Variants in UBAC2 observed in about 807,000 individuals in gnomAD.
The protein encoded by UBAC2 is ubiquitin-associated domain-containing protein 2.
Under a neutral mutation model 44.0 loss-of-function variants are expected in UBAC2, and 26 were observed. The ratio of observed to expected loss-of-function variants is 0.59; its 90% CI spans 0.43 to 0.82. The LOEUF is 0.82. Ranked by LOEUF, UBAC2 falls within the 40% of genes least tolerant of loss-of-function variation. UBAC2 has a pLI of 0.00. For synonymous variants in UBAC2, 155 were observed against 154.3 expected, an observed-to-expected ratio of 1.00 and a Z score of -0.04; for missense variants, 329 against 419.4, an observed-to-expected ratio of 0.78 and a Z score of 1.88.
intron 4 of UBAC2, among the ~76,000 whole-genome samples, chr13:99,299,366 G>A (rs988694964): frequency 3.3e-5 from 5 of 152,140 alleles, no homozygotes; most frequent in Non-Finnish European, 7.3e-5. Context: ...ACATGAAAAT[G>A]CCTGTTTCTT....
Position 99,251,075 on chromosome 13 carries a change from G to A in UBAC2, c.389+6451G>A, listed in dbSNP as rs115264600. ...GCCATCTTTGATTTTTTTCAGCAGTGTTTTGTAGTTCTTGTAGAGATCTTT... is the reference window on the plus strand; with the variant it reads ...GCCATCTTTGATTTTTTTCAGCAGTATTTTGTAGTTCTTGTAGAGATCTTT... On this transcript the variant is annotated intron_variant, in intron 4 of 8. Transcript: ENST00000403766. 1.9e-3 allele frequency among the ~76,000 whole-genome samples: 288 copies of A among 152,178 alleles called. 1 individual carries two copies. The highest frequency in any genetic ancestry group is 6.8e-3 in the African/African-American group (283 of 41,518).
At chr13:99,281,202 CAAAA>C (rs1345279756) in intron 4 of UBAC2, among the ~76,000 whole-genome samples, 2 of 148,934 alleles carry the variant, frequency 1.3e-5, no homozygotes, top group African/African-American at 5.0e-5. Context: ...AAAAACAAAA[CAAAA>C]CAAAACAAAA....
In UBAC2 at chr13:99,296,174, A is replaced by C; in HGVS notation, c.390-17923A>C. On this transcript the variant is annotated intron_variant, in intron 4 of 8. Transcript: ENST00000403766. ...TGGTGGTCCAGGTGTCTAGAAAAAA[A>C]CCAAGAAGGATCATATAAGTAAAAG... is the stretch of plus-strand genomic sequence containing the variant. 3.9e-6 allele frequency: 6 copies of C among 1,536,842 alleles called. No homozygotes were observed. In the South Asian group the frequency reaches 5.0e-5, roughly 13 times the overall value.
intron 4 of UBAC2, among the ~76,000 whole-genome samples, chr13:99,303,147 G>A (rs1030818394): frequency 1.3e-5 from 2 of 152,220 alleles, no homozygotes; most frequent in Admixed American, 1.3e-4. Flanking sequence ...GCTCCCAATA[G>A]ATCTGCGAAA....
At chr13:99,241,576 T>G (rs2043300441) in intron 2 of UBAC2, among the ~76,000 whole-genome samples, 1 of 152,166 alleles carries the variant, frequency 6.6e-6, no homozygotes, top group South Asian at 2.1e-4. Context: ...TAGTGTTTCC[T>G]GGGGCTAAGG....
chr13:99,255,338 T>A (rs2043529154), intron 4 of UBAC2: 1 of 1,614,030 alleles, frequency 6.2e-7, no homozygotes, highest in African/African-American at 1.3e-5. Flanking sequence ...TTTAGATAGA[T>A]GATGTCAGAA....
intron 1 of UBAC2, among the ~76,000 whole-genome samples, chr13:99,222,522 A>G (rs570145024): frequency 6.6e-6 from 1 of 152,340 alleles, no homozygotes; most frequent in African/African-American, 2.4e-5. Context: ...GGTTAGATCA[A>G]AGGGGTAGCC....
chr13:99,338,726 TTG>T (rs2044838868), intron 6 of UBAC2, among the ~76,000 whole-genome samples: 1 of 152,220 alleles, frequency 6.6e-6, no homozygotes, highest in African/African-American at 2.4e-5. Context: ...CAGTCTGTCT[TTG>T]GTACCAAAAC....
At chr13:99,213,252 G>T (rs917220108) in intron 1 of UBAC2, among the ~76,000 whole-genome samples, 1 of 150,098 alleles carries the variant, frequency 6.7e-6, no homozygotes, top group Non-Finnish European at 1.5e-5. Flanking sequence ...ATGGGATTTC[G>T]CCATTTGGGC....
At chr13:99,324,523 G>C (rs2044612033) in intron 6 of UBAC2, among the ~76,000 whole-genome samples, 2 of 152,208 alleles carry the variant, frequency 1.3e-5, no homozygotes, top group Admixed American at 6.5e-5. Flanking sequence ...TTTGTTATAA[G>C]CTACTGAAAT....
intron 6 of UBAC2, among the ~76,000 whole-genome samples, chr13:99,337,745 G>A (rs1456617139): frequency 6.6e-6 from 1 of 151,610 alleles, no homozygotes; most frequent in Non-Finnish European, 1.5e-5. Flanking sequence ...AACCCACATG[G>A]ACCCTCCTTG....
At chr13:99,229,545 C>T (rs141073361) in intron 1 of UBAC2, among the ~76,000 whole-genome samples, 2 of 152,320 alleles carry the variant, frequency 1.3e-5, no homozygotes, top group African/African-American at 4.8e-5. Flanking sequence ...GTCATTTGAG[C>T]TTGAAGGTCA....
At chr13:99,237,265 T>TACAC (rs778879715) in intron 1 of UBAC2, among the ~76,000 whole-genome samples, 2,683 of 113,982 alleles carry the variant, frequency 0.024, 21 homozygotes, top group Middle Eastern at 0.061. Context: ...TATATATATA[T>TACAC]ATATATACAC....
intron 1 of UBAC2, among the ~76,000 whole-genome samples, chr13:99,228,582 C>CT (rs1467607288): frequency 1.3e-5 from 2 of 152,230 alleles, no homozygotes; most frequent in African/African-American, 4.8e-5. Context: ...GCATGAGCCA[C>CT]TGTGCCCAGC....
At chr13:99,324,349 T>C (rs529225886) in intron 6 of UBAC2, among the ~76,000 whole-genome samples, 1 of 152,276 alleles carries the variant, frequency 6.6e-6, no homozygotes, top group African/African-American at 2.4e-5. Flanking sequence ...AAATGCTTCA[T>C]CCAAGCAGAA....
chr13:99,359,785 G>A (rs182638195), intron 7 of UBAC2, among the ~76,000 whole-genome samples: 31 of 152,306 alleles, frequency 2.0e-4, no homozygotes, highest in African/African-American at 7.0e-4. Context: ...CTCGCCTCCC[G>A]TGTGCCCAAG....
At chr13:99,364,718 T>C (rs4630393) in intron 7 of UBAC2, among the ~76,000 whole-genome samples, 30,996 of 152,172 alleles carry the variant, frequency 0.2, 3,514 homozygotes, top group Middle Eastern at 0.36. Flanking sequence ...CATACAAATG[T>C]ACTTTTTGTG....
chr13:99,259,844 T>C (rs974656405), intron 4 of UBAC2, among the ~76,000 whole-genome samples: 2 of 152,230 alleles, frequency 1.3e-5, no homozygotes, highest in Non-Finnish European at 2.9e-5. Flanking sequence ...GGCATGTGTC[T>C]AGAAGAGTCC....
chr13:99,306,754 T>C (rs1243246512), intron 4 of UBAC2, among the ~76,000 whole-genome samples: 1 of 152,170 alleles, frequency 6.6e-6, no homozygotes, highest in East Asian at 1.9e-4. Flanking sequence ...TTTTTTCACT[T>C]ATCTAATTAG....
Sources: allele counts gnomAD v4.1 joint callset (sites outside exome capture counted in the v4.1 genomes callset), GRCh38; gene constraint gnomAD v4.1.1; transcripts MANE v1.5; gene names NCBI Gene and HGNC (gene_info 2026-07-23, HGNC 2026-07-21).